PDSS2: variants seen among roughly 807,000 people sequenced by gnomAD.
The protein encoded by PDSS2 is decaprenyl diphosphate synthase subunit 2.
Under a neutral mutation model 44.5 loss-of-function variants are expected in PDSS2, and 31 were observed. That is an observed-to-expected ratio of 0.70 (90% CI 0.52 to 0.94). The LOEUF is 0.94. Ranked by LOEUF, PDSS2 falls within the 40% of genes least tolerant of loss-of-function variation. PDSS2 has a pLI of 0.00. For missense variants in PDSS2, 452 were observed against 482.2 expected, an observed-to-expected ratio of 0.94 and a Z score of 0.59; for synonymous variants, 157 against 180.3, an observed-to-expected ratio of 0.87 and a Z score of 1.03.
intron 2 of PDSS2, among the ~76,000 whole-genome samples, chr6:107,329,027 C>A (rs1457372502): frequency 6.6e-6 from 1 of 152,232 alleles, no homozygotes; most frequent in African/African-American, 2.4e-5. Flanking sequence ...TCCCTCTCAG[C>A]TTTTGCCTAG....
chr6:107,302,942 T>C (rs977697978), intron 2 of PDSS2, among the ~76,000 whole-genome samples: 5 of 152,148 alleles, frequency 3.3e-5, no homozygotes, highest in Non-Finnish European at 7.3e-5. Context: ...TTACAATCAA[T>C]TTCATTTGTT....
chr6:107,186,452 G>A (rs1183049373), intron 7 of PDSS2, among the ~76,000 whole-genome samples: 2 of 151,602 alleles, frequency 1.3e-5, no homozygotes, highest in Non-Finnish European at 2.9e-5. Flanking sequence ...AAGCCACAGA[G>A]TGCATGACTG....
chr6:107,166,465 C>T (rs562232129), intron 7 of PDSS2, among the ~76,000 whole-genome samples: 19 of 150,474 alleles, frequency 1.3e-4, no homozygotes, highest in Admixed American at 4.7e-4. Flanking sequence ...CCTGGGTTCA[C>T]GCCATTCTCC....
intron 1 of PDSS2, among the ~76,000 whole-genome samples, chr6:107,357,042 C>T (rs1293160346): frequency 6.6e-6 from 1 of 152,066 alleles, no homozygotes; most frequent in African/African-American, 2.4e-5. Context: ...CATTTTGGAA[C>T]AAACAGCCTA....
chr6:107,353,234 T>C lies in PDSS2; in HGVS notation c.297-18902A>G, dbSNP rs111725316. 9.1e-3 allele frequency among the ~76,000 whole-genome samples: 1,381 copies of C among 152,294 alleles called. 17 individuals are homozygous for C. The highest frequency in any genetic ancestry group is 0.029 in the African/African-American group (1,186 of 41,562). ...AATGTCTATACAGACACCAGGTTTG[T>C]ATAAACAACACATGTGGATGTACAC... On this transcript the variant is annotated intron_variant, in intron 1 of 7. Coordinates refer to ENST00000369037, the MANE Select transcript of PDSS2 (RefSeq NM_020381.4).
At chr6:107,347,636 T>C (rs1778296019) in intron 1 of PDSS2, among the ~76,000 whole-genome samples, 1 of 152,212 alleles carries the variant, frequency 6.6e-6, no homozygotes, top group Non-Finnish European at 1.5e-5. Flanking sequence ...CATGGGTTCT[T>C]TCCTTGATGT....
chr6:107,391,039 G>T (rs1012319531), intron 1 of PDSS2, among the ~76,000 whole-genome samples: 2 of 151,888 alleles, frequency 1.3e-5, no homozygotes, highest in African/African-American at 2.4e-5. Flanking sequence ...TTGAACTGAT[G>T]GGGGGAGGGT....
chr6:107,275,022 G>A (rs552115439), intron 2 of PDSS2, among the ~76,000 whole-genome samples: 1 of 152,096 alleles, frequency 6.6e-6, no homozygotes, highest in East Asian at 1.9e-4. Flanking sequence ...TTACAGAGAT[G>A]AATACAATAT....
intron 1 of PDSS2, among the ~76,000 whole-genome samples, chr6:107,426,074 C>T (rs1256497204): frequency 6.6e-6 from 1 of 152,162 alleles, no homozygotes; most frequent in Non-Finnish European, 1.5e-5. Flanking sequence ...AAAAATGTCT[C>T]CAGGACATGT....
At chr6:107,436,933 T>C (rs1206110605) in intron 1 of PDSS2, among the ~76,000 whole-genome samples, 1 of 152,128 alleles carries the variant, frequency 6.6e-6, no homozygotes, top group African/African-American at 2.4e-5. Flanking sequence ...CAGATGATGG[T>C]ACTTGACTGA....
chr6:107,314,554 T>C (rs1777143516), intron 2 of PDSS2, among the ~76,000 whole-genome samples: 1 of 152,318 alleles, frequency 6.6e-6, no homozygotes, highest in Admixed American at 6.5e-5. Flanking sequence ...CACAAAGGGC[T>C]AGCTATCCAA....
chr6:107,406,511 T>C (rs566318845), intron 1 of PDSS2, among the ~76,000 whole-genome samples: 1 of 152,346 alleles, frequency 6.6e-6, no homozygotes, highest in Non-Finnish European at 1.5e-5. Flanking sequence ...ACTCTAAATG[T>C]ATTTTCATCA....
At chr6:107,428,795 C>A (rs1781082972) in intron 1 of PDSS2, among the ~76,000 whole-genome samples, 1 of 152,116 alleles carries the variant, frequency 6.6e-6, no homozygotes, top group East Asian at 1.9e-4. Flanking sequence ...TGTGACTACG[C>A]TACAGCACTC....
chr6:107,440,616 CCCAGGGAAAG>C (rs1364055406), intron 1 of PDSS2, among the ~76,000 whole-genome samples: 2 of 152,172 alleles, frequency 1.3e-5, no homozygotes, highest in Non-Finnish European at 2.9e-5. Flanking sequence ...AGGTTTTGTG[CCCAGGGAAAG>C]AATGCTTCCA....
At chr6:107,378,061 A>G (rs1447800508) in intron 1 of PDSS2, among the ~76,000 whole-genome samples, 1 of 150,328 alleles carries the variant, frequency 6.7e-6, no homozygotes, top group Non-Finnish European at 1.5e-5. Context: ...AAAAATAAAA[A>G]TAAATAAATA....
At chr6:107,368,474 C>T (rs1363846768) in intron 1 of PDSS2, among the ~76,000 whole-genome samples, 2 of 152,058 alleles carry the variant, frequency 1.3e-5, no homozygotes, top group African/African-American at 4.8e-5. Context: ...TTGGAAGACT[C>T]AGTATTGTTA....
At chr6:107,224,744 T>C (rs900152325) in intron 4 of PDSS2, among the ~76,000 whole-genome samples, 1 of 151,446 alleles carries the variant, frequency 6.6e-6, no homozygotes, top group Non-Finnish European at 1.5e-5. Context: ...AATCTAGATA[T>C]GCCAACATTA....
Position 107,164,144 on chromosome 6 carries a change from G to A in PDSS2, c.1042-9367C>T, listed in dbSNP as rs537910313. ...TGAGTCACTGTATTTTAAGACTGTT[G>A]TTTTGGGTTTATACTTAAAAAAAAT... On this transcript the variant is annotated intron_variant, in intron 7 of 7. Coordinates refer to ENST00000369037, the MANE Select transcript of PDSS2 (RefSeq NM_020381.4). 4.6e-4 allele frequency among the ~76,000 whole-genome samples: 67 copies of A among 146,446 alleles called. 1 individual carries two copies. The highest frequency in any genetic ancestry group is 1.7e-3 in the African/African-American group (67 of 39,116).
chr6:107,429,901 A>AAAATATATATATATATAT, intron 1 of PDSS2, among the ~76,000 whole-genome samples: 1 of 31,840 alleles, frequency 3.1e-5, no homozygotes, highest in East Asian at 2.1e-3. Context: ...AAAAAAAAAA[A>AAAATATATATATATATAT]ATATATATAT....
Sources: gnomAD v4.1 joint callset for allele counts (sites outside exome capture counted in the v4.1 genomes callset) on GRCh38, gnomAD v4.1.1 for gene constraint, MANE v1.5 for transcripts, NCBI Gene and HGNC (gene_info 2026-07-23, HGNC 2026-07-21) for gene names.